Variants in CIT observed in about 807,000 individuals in gnomAD.
CIT encodes citron rho-interacting serine/threonine kinase.
CIT carries 79 observed loss-of-function variants against 272.7 expected under a neutral mutation model. That is an observed-to-expected ratio of 0.29 (90% CI 0.24 to 0.35). The LOEUF (loss-of-function observed/expected upper bound fraction) is 0.35, where lower values mean the gene tolerates loss of function less well. Among genes scored for constraint, CIT ranks in the 10% least tolerant of loss-of-function variants. CIT has a pLI of 1.00. For synonymous variants in CIT, 948 were observed against 995.6 expected (o/e 0.95, Z 0.90); for missense variants, 1,909 against 2,618.3 (o/e 0.73, Z 5.91).
In CIT at chr12:119,820,421, C is replaced by G. The variant is rs1268760568; in HGVS notation, c.1111+2399G>C. Among the ~76,000 whole-genome samples, 4 of 151,990 alleles carry G rather than the reference C, an allele frequency of 2.6e-5. No individual in the cohort carries two copies. The East Asian group carries it at 7.7e-4, about 29-fold the overall frequency. On this transcript the variant is annotated intron_variant, in intron 9 of 47. Coordinates refer to ENST00000392521, the MANE Select transcript of CIT (RefSeq NM_001206999.2). ...CAAAAAGTAGCCGGGCATGGTGGCG[C>G]ACACCTGTGGTCCCAGCTACTCGGA...
At chr12:119,872,888 C>T (rs1393065602) in intron 2 of CIT, among the ~76,000 whole-genome samples, 3 of 152,078 alleles carry the variant, frequency 2.0e-5, no homozygotes, top group Admixed American at 6.5e-5. Flanking sequence ...CCTCTGCCTC[C>T]GGGGCCCCAG....
intron 27 of CIT, 139 bp downstream of exon 27, chr12:119,730,356 A>C: frequency 4.2e-6 from 4 of 946,550 alleles, no homozygotes; most frequent in East Asian, 3.4e-5. Context: ...AGGCAAAACC[A>C]TGGGACATTT....
At chr12:119,823,062 A>G in intron 8 of CIT, 89 bp from the exon 9 acceptor site, 1 of 1,373,120 alleles carries the variant, frequency 7.3e-7, no homozygotes, top group South Asian at 1.4e-5. Flanking sequence ...TCATATATGC[A>G]AGTTTCTTTT....
At chr12:119,840,763 T>C (rs1286583951) in intron 5 of CIT, among the ~76,000 whole-genome samples, 1 of 152,204 alleles carries the variant, frequency 6.6e-6, no homozygotes, top group Non-Finnish European at 1.5e-5. Context: ...CTGGTGAGTT[T>C]TGAGACATGC....
At chr12:119,723,703 T>C (rs924697958) in intron 28 of CIT, among the ~76,000 whole-genome samples, 1 of 152,202 alleles carries the variant, frequency 6.6e-6, no homozygotes, top group Non-Finnish European at 1.5e-5. Flanking sequence ...TAGGGCGGTA[T>C]TTTTTAAATT....
At chr12:119,851,822 A>G (rs1019025515) in intron 4 of CIT, among the ~76,000 whole-genome samples, 1 of 152,192 alleles carries the variant, frequency 6.6e-6, no homozygotes, top group Non-Finnish European at 1.5e-5. Flanking sequence ...AGACTGCTTG[A>G]GGCCAGGAGT....
Position 119,822,928 on chromosome 12 carries a change from G to C in CIT, c.1003C>G (p.Leu335Val). ...CACAACAAGCTTTGAATCAGATCAAGAAAGTCACTGCTCACTTTGGGGTCA... is the reference window on the plus strand; with the variant it reads ...CACAACAAGCTTTGAATCAGATCAACAAAGTCACTGCTCACTTTGGGGTCA... ...PDDPKVSSDF[L>V]DLIQSLLCGQ... The change falls in exon 9 of 48, where the codon CTT (leucine) becomes GTT (valine). Residue 335 changes from leucine (L) to valine (V), a missense_variant. Leu to Val is a conservative substitution (Grantham distance 32). Coordinates refer to ENST00000392521, the MANE Select transcript of CIT (RefSeq NM_001206999.2). 1 of 1,613,990 alleles carries C rather than the reference G, an allele frequency of 6.2e-7. No homozygotes were observed. The highest frequency in any genetic ancestry group is 8.5e-7 in the Non-Finnish European group (1 of 1,179,986).
chr12:119,736,159 A>T (rs1296484634), intron 24 of CIT, among the ~76,000 whole-genome samples: 2 of 152,196 alleles, frequency 1.3e-5, no homozygotes, highest in Non-Finnish European at 2.9e-5. Context: ...GCTTTTATGT[A>T]TAATACCTTG....
At chr12:119,820,029 T>C (rs1374113688) in intron 9 of CIT, among the ~76,000 whole-genome samples, 1 of 152,050 alleles carries the variant, frequency 6.6e-6, no homozygotes. Context: ...AGATCCCACC[T>C]GCTGGCTGAG....
intron 15 of CIT, 116 bp from the exon 16 acceptor site, chr12:119,775,955 C>T (rs1566025635): frequency 6.5e-6 from 5 of 772,716 alleles, no homozygotes; most frequent in Non-Finnish European, 8.4e-6. Flanking sequence ...TTTGGGTTTC[C>T]AGAACCTATT....
rs764990606 is a variant in CIT, at chr12:119,713,005, G to A, written c.4579+198C>T. ...TGGAATCTTCAGGGCAGCGCCCTGC[G>A]GGTTCTTCAGGGGGGAGACCTATAG... On this transcript the variant is annotated intron_variant, in intron 35 of 47. Coordinates refer to ENST00000392521, the MANE Select transcript of CIT (RefSeq NM_001206999.2). This position sits in a 1 kb window ranked among gnomAD's most constrained non-coding sequence, Gnocchi z 5.2. 2.9e-5 allele frequency: 18 copies of A among 621,830 alleles called. No individual in the cohort carries two copies. The highest frequency in any genetic ancestry group is 3.7e-5 in the Non-Finnish European group (13 of 350,312). 38.5% of individuals were successfully genotyped at this position (621,830 alleles called of 1,614,324 possible).
At chr12:119,860,590 T>C (rs1484352398) in intron 3 of CIT, among the ~76,000 whole-genome samples, 1 of 152,066 alleles carries the variant, frequency 6.6e-6, no homozygotes, top group African/African-American at 2.4e-5. Context: ...CCTTGGATTG[T>C]TTACAAAGTT....
At chr12:119,696,459 G>A (rs1213034672) in intron 46 of CIT, among the ~76,000 whole-genome samples, 1 of 152,162 alleles carries the variant, frequency 6.6e-6, no homozygotes, top group East Asian at 1.9e-4. Flanking sequence ...ATTGCCAGTG[G>A]TCCCGTTGCC....
chr12:119,745,386 A>AACAAAC (rs1053747424), intron 23 of CIT, among the ~76,000 whole-genome samples: 3 of 143,164 alleles, frequency 2.1e-5, no homozygotes, highest in Non-Finnish European at 4.6e-5. Flanking sequence ...AAAAAAAAAA[A>AACAAAC]AAAAAAAAAA....
intron 30 of CIT, among the ~76,000 whole-genome samples, chr12:119,720,082 C>G (rs955160875): frequency 1.3e-5 from 2 of 152,074 alleles, no homozygotes; most frequent in Non-Finnish European, 2.9e-5. Context: ...GAGTGTGGTA[C>G]GAGAGACCTG....
chr12:119,805,902 A>G (rs1966567995), intron 9 of CIT, among the ~76,000 whole-genome samples: 1 of 152,206 alleles, frequency 6.6e-6, no homozygotes, highest in Non-Finnish European at 1.5e-5. Context: ...TGGGAGGGCG[A>G]GGCAGGTGGA....
intron 3 of CIT, among the ~76,000 whole-genome samples, chr12:119,865,426 G>C (rs1950486376): frequency 6.6e-6 from 1 of 152,230 alleles, no homozygotes; most frequent in African/African-American, 2.4e-5. Context: ...AATACCTCAA[G>C]TACATTTTGA....
intron 19 of CIT, among the ~76,000 whole-genome samples, chr12:119,766,343 T>C (rs537479299): frequency 2.6e-5 from 4 of 152,186 alleles, no homozygotes; most frequent in Non-Finnish European, 5.9e-5. Context: ...ATGGATGGAA[T>C]TGGAGATCAT....
At chr12:119,752,389 G>C in intron 22 of CIT, 142 bp from the exon 23 acceptor site, 2 of 718,376 alleles carry the variant, frequency 2.8e-6, no homozygotes, top group Non-Finnish European at 4.4e-6. Context: ...TAGAGGAGAG[G>C]AAAATGCAAC....
Sources: gnomAD v4.1 joint callset for allele counts (sites outside exome capture counted in the v4.1 genomes callset) on GRCh38, gnomAD v4.1.1 for gene constraint, Gnocchi (gnomAD v3.1) non-coding constraint, MANE v1.5 for transcripts, NCBI Gene and HGNC (gene_info 2026-07-23, HGNC 2026-07-21) for gene names.